The following AGBL4 variants were observed in gnomAD, a reference collection of about 807,000 sequenced individuals.
AGBL4 encodes cytosolic carboxypeptidase 6.
In AGBL4, 58 loss-of-function variants were observed where a neutral mutation model predicts 66.4. The observed-to-expected ratio is 0.87, with a 90% CI of 0.71 to 1.09. The LOEUF (loss-of-function observed/expected upper bound fraction) is 1.09, where lower values mean the gene tolerates loss of function less well. Ranked by LOEUF, AGBL4 falls within the 50% of genes least tolerant of loss-of-function variation. AGBL4 has a pLI of 0.00. For synonymous variants in AGBL4, 234 were observed against 222.9 expected, an observed-to-expected ratio of 1.05 and a Z score of -0.44; for missense variants, 579 against 631.0, an observed-to-expected ratio of 0.92 and a Z score of 0.88.
At chr1:49,820,204 C>T (rs1257193247) in intron 2 of AGBL4, among the ~76,000 whole-genome samples, 1 of 152,136 alleles carries the variant, frequency 6.6e-6, no homozygotes, top group African/African-American at 2.4e-5. Context: ...GAAAGAAAGC[C>T]TCAGTTAAGA....
chr1:48,674,073 G>A (rs936026620), intron 6 of AGBL4, among the ~76,000 whole-genome samples: 2 of 152,068 alleles, frequency 1.3e-5, no homozygotes, highest in East Asian at 3.9e-4. Context: ...CACCTCCCAC[G>A]CTCGCCTCTT....
chr1:48,895,055 C>G (rs944369824), intron 5 of AGBL4, among the ~76,000 whole-genome samples: 4 of 152,200 alleles, frequency 2.6e-5, no homozygotes, highest in African/African-American at 9.7e-5. Flanking sequence ...GTTAACGCTG[C>G]TAAGGCACCT....
intron 3 of AGBL4, among the ~76,000 whole-genome samples, chr1:49,583,912 G>A (rs1238414176): frequency 1.3e-5 from 2 of 152,056 alleles, no homozygotes; most frequent in Non-Finnish European, 1.5e-5. Flanking sequence ...ATACCCTTAA[G>A]CCAGTCCTGA....
intron 3 of AGBL4, among the ~76,000 whole-genome samples, chr1:49,587,651 C>T (rs1558078479): frequency 6.6e-6 from 1 of 152,066 alleles, no homozygotes; most frequent in East Asian, 1.9e-4. Context: ...AATTGAAAGT[C>T]TGGCATCATG....
intron 3 of AGBL4, among the ~76,000 whole-genome samples, chr1:49,530,803 A>G (rs1651081390): frequency 6.6e-6 from 1 of 152,022 alleles, no homozygotes. Flanking sequence ...ATATAATAAA[A>G]TGATTAAGAA....
chr1:49,810,568 G>A (rs1472911944), intron 2 of AGBL4, among the ~76,000 whole-genome samples: 1 of 152,020 alleles, frequency 6.6e-6, no homozygotes, highest in Admixed American at 6.6e-5. Flanking sequence ...GCTATATAAA[G>A]AAGGCATTTC....
chr1:48,602,402 A>C (rs1292359552), intron 9 of AGBL4, among the ~76,000 whole-genome samples: 3 of 152,138 alleles, frequency 2.0e-5, no homozygotes, highest in African/African-American at 4.8e-5. Context: ...CCTGCTTTGC[A>C]GTATTCCTGT....
chr1:49,880,762 G>C (rs1468170626), intron 1 of AGBL4, among the ~76,000 whole-genome samples: 2 of 152,036 alleles, frequency 1.3e-5, no homozygotes, highest in African/African-American at 4.8e-5. Context: ...CCCCAGCCTT[G>C]CTGCCGCCTT....
intron 3 of AGBL4, among the ~76,000 whole-genome samples, chr1:49,258,959 C>T (rs1652828889): frequency 1.3e-5 from 2 of 152,152 alleles, no homozygotes; most frequent in Admixed American, 6.5e-5. Flanking sequence ...GCGGATCTCT[C>T]AGCAGAAACT....
chr1:49,028,426 T>C (rs1404883484), intron 5 of AGBL4, among the ~76,000 whole-genome samples: 1 of 152,200 alleles, frequency 6.6e-6, no homozygotes, highest in Non-Finnish European at 1.5e-5. Context: ...TGCTCAAGTA[T>C]GCCCAAGGCA....
intron 6 of AGBL4, among the ~76,000 whole-genome samples, chr1:48,708,658 C>A (rs1464424966): frequency 2.0e-5 from 3 of 152,310 alleles, no homozygotes; most frequent in Admixed American, 6.5e-5. Flanking sequence ...ATCTGGGCTA[C>A]CAAGTGTGGG....
intron 3 of AGBL4, among the ~76,000 whole-genome samples, chr1:49,649,736 T>A (rs1167874235): frequency 6.6e-6 from 1 of 152,080 alleles, no homozygotes; most frequent in African/African-American, 2.4e-5. Context: ...TAGACCTCAT[T>A]TGGAGCCATA....
At chr1:49,085,021 A>G (rs1644879412) in intron 4 of AGBL4, among the ~76,000 whole-genome samples, 1 of 152,130 alleles carries the variant, frequency 6.6e-6, no homozygotes, top group African/African-American at 2.4e-5. Flanking sequence ...ACAGCTAGTG[A>G]AACATTATTT....
chr1:49,075,317 G>T (rs1010732994), intron 4 of AGBL4, among the ~76,000 whole-genome samples: 1 of 152,060 alleles, frequency 6.6e-6, no homozygotes, highest in Non-Finnish European at 1.5e-5. Context: ...CATGCCATAA[G>T]GTTTTGTACA....
At chr1:49,845,871 G>C (rs1018450965) in intron 2 of AGBL4, 1 of 1,414,686 alleles carries the variant, frequency 7.1e-7, no homozygotes, top group Admixed American at 1.7e-5. Flanking sequence ...TTCTGGCAGA[G>C]CACAAACCTC....
intron 3 of AGBL4, among the ~76,000 whole-genome samples, chr1:49,482,762 C>G (rs1646983245): frequency 6.6e-6 from 1 of 152,034 alleles, no homozygotes; most frequent in South Asian, 2.1e-4. Flanking sequence ...GCATTTAGTG[C>G]TATAAATCAT....
intron 9 of AGBL4, among the ~76,000 whole-genome samples, chr1:48,631,410 A>G (rs1387254200): frequency 6.6e-6 from 1 of 152,138 alleles, no homozygotes; most frequent in Non-Finnish European, 1.5e-5. Flanking sequence ...ATACTTTTTG[A>G]AAAGGAGTCT....
intron 3 of AGBL4, among the ~76,000 whole-genome samples, chr1:49,475,450 T>C (rs1646828401): frequency 6.6e-6 from 1 of 152,050 alleles, no homozygotes; most frequent in Non-Finnish European, 1.5e-5. Context: ...TTTCATAGAA[T>C]GAGTCAGAGA....
intron 2 of AGBL4, among the ~76,000 whole-genome samples, chr1:49,767,384 G>A (rs1643912912): frequency 6.6e-6 from 1 of 151,744 alleles, no homozygotes; most frequent in African/African-American, 2.4e-5. Flanking sequence ...AATTAAGGCA[G>A]AAATAAAAAA....
Sources: gnomAD v4.1 joint callset for allele counts (sites outside exome capture counted in the v4.1 genomes callset) on GRCh38, gnomAD v4.1.1 for gene constraint, MANE v1.5 for transcripts, NCBI Gene and HGNC (gene_info 2026-07-23, HGNC 2026-07-21) for gene names.